The following MAML2 variants were observed in gnomAD, a reference collection of about 807,000 sequenced individuals.
MAML2 encodes mastermind like transcriptional coactivator 2.
In MAML2, 22 loss-of-function variants were observed where a neutral mutation model predicts 96.1. The ratio of observed to expected loss-of-function variants is 0.23; its 90% CI spans 0.16 to 0.33. The LOEUF (loss-of-function observed/expected upper bound fraction) is 0.33, where lower values mean the gene tolerates loss of function less well. Among genes scored for constraint, MAML2 ranks in the 10% least tolerant of loss-of-function variants. MAML2 has a pLI of 1.00. For synonymous variants in MAML2, 561 were observed against 521.3 expected (o/e 1.08, Z -1.04); for missense variants, 1,367 against 1,392.4 (o/e 0.98, Z 0.29).
In MAML2 at chr11:95,997,582, A is replaced by G. The variant is rs530101761; in HGVS notation, c.2140-5859T>C. Among the ~76,000 whole-genome samples, 6 of 152,314 alleles carry G rather than the reference A, an allele frequency of 3.9e-5. No homozygotes were observed. The South Asian group carries it at 1.2e-3, about 32-fold the overall frequency. On this transcript the variant is annotated intron_variant, in intron 2 of 4. Coordinates refer to ENST00000524717, the MANE Select transcript of MAML2 (RefSeq NM_032427.4). ...TCTGGGCCTTGGGGATAAAGCAGTA[A>G]AAAGATACTGAAGGGACTTCTCATG...
At chr11:96,313,011 G>A (rs991280457) in intron 1 of MAML2, among the ~76,000 whole-genome samples, 18 of 152,128 alleles carry the variant, frequency 1.2e-4, no homozygotes, top group Non-Finnish European at 1.8e-4. Flanking sequence ...CAGTGTTAGC[G>A]CCAGACAAAA....
intron 1 of MAML2, among the ~76,000 whole-genome samples, chr11:96,323,873 A>G (rs1218144426): frequency 6.6e-6 from 1 of 152,188 alleles, no homozygotes; most frequent in Non-Finnish European, 1.5e-5. Flanking sequence ...ACTGAAAGCT[A>G]CCCTGGAATG....
intron 1 of MAML2, among the ~76,000 whole-genome samples, chr11:96,151,029 A>C (rs530958148): frequency 6.6e-6 from 1 of 152,348 alleles, no homozygotes; most frequent in Admixed American, 6.5e-5. Context: ...TCTGAAAAGC[A>C]TTGCTTTCAA....
chr11:95,998,145 T>A (rs369745162), intron 2 of MAML2, among the ~76,000 whole-genome samples: 5 of 133,920 alleles, frequency 3.7e-5, no homozygotes, highest in African/African-American at 8.8e-5. Context: ...TCTGTCAGTC[T>A]GTCTGTCTGT....
At chr11:96,314,242 G>A (rs958224855) in intron 1 of MAML2, among the ~76,000 whole-genome samples, 1 of 152,234 alleles carries the variant, frequency 6.6e-6, no homozygotes, top group African/African-American at 2.4e-5. Flanking sequence ...AAGAGTCACA[G>A]GTGGCCTCTT....
intron 1 of MAML2, among the ~76,000 whole-genome samples, chr11:96,117,010 G>A (rs1860255829): frequency 6.6e-6 from 1 of 152,206 alleles, no homozygotes; most frequent in African/African-American, 2.4e-5. Context: ...TCAGGTATCT[G>A]AATGAACTAT....
At chr11:96,121,804 T>TTTTTTTTTTTTTTTTTG (rs1565221362) in intron 1 of MAML2, among the ~76,000 whole-genome samples, 1 of 137,252 alleles carries the variant, frequency 7.3e-6, no homozygotes, top group African/African-American at 2.7e-5. Flanking sequence ...TTTTTTTTTT[T>TTTTTTTTTTTTTTTTTG]GAGACGGAGT....
intron 1 of MAML2, among the ~76,000 whole-genome samples, chr11:96,273,636 A>C (rs963757528): frequency 6.6e-6 from 1 of 152,230 alleles, no homozygotes; most frequent in Non-Finnish European, 1.5e-5. Context: ...GTTAGAGTCC[A>C]GTTTAGTCTA....
At chr11:96,331,536 C>T (rs1863854477) in intron 1 of MAML2, among the ~76,000 whole-genome samples, 1 of 151,908 alleles carries the variant, frequency 6.6e-6, no homozygotes, top group African/African-American at 2.4e-5. Context: ...GTGCCTCACG[C>T]CTGTAATCCC....
chr11:96,229,201 A>AG lies in MAML2; in HGVS notation c.513+112181dup, dbSNP rs537145449. The stretch of plus-strand genomic sequence containing the variant: ...CAGAATTTCTCAGATAAGTCAAGAG[A>AG]GGGGAAAAACACAAATCACACCCCA... On this transcript the variant is annotated intron_variant, in intron 1 of 4. Coordinates refer to ENST00000524717, the MANE Select transcript of MAML2 (RefSeq NM_032427.4). Among the ~76,000 whole-genome samples, 4 of 152,300 alleles carry AG rather than the reference A, an allele frequency of 2.6e-5. No homozygotes were observed. In the South Asian group the frequency reaches 8.3e-4, roughly 32 times the overall value.
At chr11:96,321,057 CT>C (rs2136010995) in intron 1 of MAML2, among the ~76,000 whole-genome samples, 1 of 152,290 alleles carries the variant, frequency 6.6e-6, no homozygotes, top group African/African-American at 2.4e-5. Flanking sequence ...GAAAGACACA[CT>C]CATCATTTAG....
In MAML2 at chr11:96,053,976, C is replaced by CA. The variant is rs556981430; in HGVS notation, c.2139+37915dup. On this transcript the variant is annotated intron_variant, in intron 2 of 4. Transcript: ENST00000524717. ...GGGTGCCGCCATTTTGAGAGCTCTT[C>CA]ATGTAAGAAATATATGGAGTTTGTT... 3.8e-3 allele frequency among the ~76,000 whole-genome samples: 580 copies of CA among 152,064 alleles called. 7 individuals carry two copies. Among genetic ancestry groups the CA allele is most frequent in the South Asian group, 0.028 (134 of 4,808 alleles).
intron 1 of MAML2, among the ~76,000 whole-genome samples, chr11:96,117,289 CTT>C (rs11371864): frequency 4.8e-5 from 7 of 145,424 alleles, no homozygotes; most frequent in Non-Finnish European, 7.5e-5. Flanking sequence ...CTGCAAAGCT[CTT>C]TTTTTTTTTT....
intron 2 of MAML2, among the ~76,000 whole-genome samples, chr11:96,089,877 C>G (rs1435682467): frequency 1.4e-5 from 1 of 70,176 alleles, no homozygotes; most frequent in Admixed American, 1.2e-4. Context: ...ATGAAAATTA[C>G]CTCTGTATCA....
chr11:96,004,165 T>C (rs1858141372), intron 2 of MAML2, among the ~76,000 whole-genome samples: 1 of 152,184 alleles, frequency 6.6e-6, no homozygotes, highest in Non-Finnish European at 1.5e-5. Flanking sequence ...TTTCCATTCC[T>C]CTAGAAATAT....
intron 1 of MAML2, among the ~76,000 whole-genome samples, chr11:96,285,864 A>G (rs148583046): frequency 8.8e-4 from 134 of 152,368 alleles, no homozygotes; most frequent in South Asian, 2.3e-3. Flanking sequence ...GAATGCTTCT[A>G]TGCTGTTGGT....
chr11:96,093,622 A>C (rs1859774937), intron 1 of MAML2, 105 bp from the exon 2 acceptor site: 4 of 879,426 alleles, frequency 4.5e-6, no homozygotes, highest in Middle Eastern at 3.3e-4. Context: ...ATTTACACAC[A>C]AGATTCAGTT....
chr11:96,295,937 AACACACACACACAC>A (rs56231526), intron 1 of MAML2, among the ~76,000 whole-genome samples: 42 of 137,886 alleles, frequency 3.0e-4, no homozygotes, highest in African/African-American at 5.2e-4. Flanking sequence ...CAGAACAGTA[AACACACACACACAC>A]ACACACACAC....
At chr11:95,993,906 AC>A (rs1262701244) in intron 2 of MAML2, among the ~76,000 whole-genome samples, 1 of 152,166 alleles carries the variant, frequency 6.6e-6, no homozygotes, top group Non-Finnish European at 1.5e-5. Flanking sequence ...ACTCCTCCCA[AC>A]AAAACAATGA....
Sources: allele counts gnomAD v4.1 joint callset (sites outside exome capture counted in the v4.1 genomes callset), GRCh38; gene constraint gnomAD v4.1.1; transcripts MANE v1.5; gene names NCBI Gene and HGNC (gene_info 2026-07-23, HGNC 2026-07-21).